MAGI2: variants seen among roughly 807,000 people sequenced by gnomAD.
MAGI2 encodes membrane-associated guanylate kinase, WW and PDZ domain-containing protein 2.
Under a neutral mutation model 133.3 loss-of-function variants are expected in MAGI2, and 35 were observed. That is an observed-to-expected ratio of 0.26 (90% CI 0.20 to 0.35). The LOEUF is 0.35. Ranked by LOEUF, MAGI2 falls within the 10% of genes least tolerant of loss-of-function variation. The pLI is 1.00. For synonymous variants in MAGI2, 729 were observed against 710.6 expected, an observed-to-expected ratio of 1.03 and a Z score of -0.41; for missense variants, 1,636 against 1,863.4, an observed-to-expected ratio of 0.88 and a Z score of 2.25.
chr7:79,427,682 AGTTGTGCTGCG>A (rs1228309444), intron 1 of MAGI2, among the ~76,000 whole-genome samples: 3 of 152,208 alleles, frequency 2.0e-5, no homozygotes, highest in Non-Finnish European at 4.4e-5. Flanking sequence ...ACACGTAGAA[AGTTGTGCTGCG>A]GTTTTATTAT....
intron 1 of MAGI2, among the ~76,000 whole-genome samples, chr7:79,326,594 G>A (rs56829360): frequency 6.6e-6 from 1 of 151,986 alleles, no homozygotes; most frequent in African/African-American, 2.4e-5. Flanking sequence ...GTGATAATAC[G>A]CCTTGGAAAC....
intron 6 of MAGI2, among the ~76,000 whole-genome samples, chr7:78,450,281 A>G (rs988288328): frequency 6.6e-6 from 1 of 151,830 alleles, no homozygotes; most frequent in Admixed American, 6.6e-5. Context: ...GGAATTCATT[A>G]AAATGCAAGA....
chr7:79,230,774 T>A (rs904006964), intron 1 of MAGI2, among the ~76,000 whole-genome samples: 84 of 152,156 alleles, frequency 5.5e-4, no homozygotes, highest in Admixed American at 2.6e-3. Flanking sequence ...TTTCTTTCGC[T>A]GTGCAGAAGC....
chr7:78,839,134 A>G (rs1387832741), intron 2 of MAGI2, among the ~76,000 whole-genome samples: 1 of 152,042 alleles, frequency 6.6e-6, no homozygotes, highest in African/African-American at 2.4e-5. Context: ...AGAGAAGCAT[A>G]AAAAGAAAGA....
chr7:79,092,890 T>C (rs1319265256), intron 1 of MAGI2, among the ~76,000 whole-genome samples: 1 of 152,162 alleles, frequency 6.6e-6, no homozygotes, highest in African/African-American at 2.4e-5. Context: ...CAGTCTCTTT[T>C]TGTAGTTTTC....
chr7:79,241,682 T>C (rs185413977), intron 1 of MAGI2, among the ~76,000 whole-genome samples: 3 of 152,306 alleles, frequency 2.0e-5, no homozygotes, highest in African/African-American at 7.2e-5. Flanking sequence ...GGGAGGTGCC[T>C]TTCATAGCAT....
At chr7:79,100,739 A>C (rs1484065277) in intron 1 of MAGI2, among the ~76,000 whole-genome samples, 2 of 151,770 alleles carry the variant, frequency 1.3e-5, no homozygotes, top group Non-Finnish European at 2.9e-5. Context: ...GTTCATGTTA[A>C]TTTAAGAATG....
At chr7:78,240,865 G>A (rs980182554) in intron 10 of MAGI2, among the ~76,000 whole-genome samples, 3 of 151,516 alleles carry the variant, frequency 2.0e-5, no homozygotes, top group African/African-American at 7.3e-5. Flanking sequence ...TATTAGCTAG[G>A]TATTCAAAAC....
intron 2 of MAGI2, among the ~76,000 whole-genome samples, chr7:78,971,684 A>C (rs572567881): frequency 6.6e-6 from 1 of 152,126 alleles, no homozygotes; most frequent in African/African-American, 2.4e-5. Flanking sequence ...CAGCTCAATG[A>C]TTAGAACGTG....
chr7:78,751,022 A>C (rs1823404705), intron 2 of MAGI2, among the ~76,000 whole-genome samples: 1 of 152,214 alleles, frequency 6.6e-6, no homozygotes, highest in African/African-American at 2.4e-5. Flanking sequence ...GAACACAGAC[A>C]AATCTAACCC....
At chr7:79,352,403 C>T (rs2069132) in intron 1 of MAGI2, among the ~76,000 whole-genome samples, 22,130 of 152,162 alleles carry the variant, frequency 0.15, 1,724 homozygotes, top group East Asian at 0.2. Flanking sequence ...TTCTAAAAGT[C>T]CTGGTTTTCT....
chr7:78,235,597 A>C (rs1790446207), intron 10 of MAGI2, among the ~76,000 whole-genome samples: 1 of 152,098 alleles, frequency 6.6e-6, no homozygotes, highest in Non-Finnish European at 1.5e-5. Context: ...CCATGTGAAG[A>C]AGGACATGTT....
At chr7:78,844,254 T>A (rs1792395123) in intron 2 of MAGI2, among the ~76,000 whole-genome samples, 1 of 151,676 alleles carries the variant, frequency 6.6e-6, no homozygotes, top group African/African-American at 2.4e-5. Context: ...TTTGATCTGC[T>A]TTTCACTTAA....
chr7:78,358,039 T>C (rs1792277932), intron 7 of MAGI2, among the ~76,000 whole-genome samples: 1 of 150,610 alleles, frequency 6.6e-6, no homozygotes, highest in Non-Finnish European at 1.5e-5. Flanking sequence ...TCAAATGTGT[T>C]CAGCTTTGAC....
intron 9 of MAGI2, among the ~76,000 whole-genome samples, chr7:78,299,914 C>T (rs1015402861): frequency 2.0e-5 from 3 of 152,126 alleles, no homozygotes; most frequent in African/African-American, 7.2e-5. Flanking sequence ...AGTATGGAAA[C>T]TGCATTTCAG....
intron 20 of MAGI2, among the ~76,000 whole-genome samples, chr7:78,114,131 A>G (rs893096410): frequency 6.6e-6 from 1 of 152,158 alleles, no homozygotes; most frequent in Non-Finnish European, 1.5e-5. Flanking sequence ...TCTTTTTACT[A>G]GCTCGTTATT....
chr7:78,019,335 C>A lies in MAGI2; in HGVS notation c.4348G>T (p.Ala1450Ser), dbSNP rs751049754. The change falls in exon 22 of 22, where the codon GCC (alanine) becomes TCC (serine). Residue 1450 changes from alanine to serine, a missense_variant. By Grantham distance (99) the Ala-to-Ser change is moderately conservative. This residue lies in a region of MAGI2 where 354 missense variants were observed against 298.7 expected (regional missense o/e 1.19). Transcript: ENST00000354212. ...DKLPSVLKPG[A>S]SAASR Reference sequence around the variant, plus strand: ...GCGGCTCATCTGCTGGCGGCCGAGGCGCCGGGTTTGAGGACGCTGGGCAGC... The same window carrying A: ...GCGGCTCATCTGCTGGCGGCCGAGGAGCCGGGTTTGAGGACGCTGGGCAGC... 1.7e-4 allele frequency: 267 copies of A among 1,541,236 alleles called. No individual in the cohort carries two copies. The highest frequency in any genetic ancestry group is 2.3e-4 in the Non-Finnish European group (266 of 1,153,582).
chr7:78,920,226 A>G (rs932426622), intron 2 of MAGI2, among the ~76,000 whole-genome samples: 5 of 152,162 alleles, frequency 3.3e-5, no homozygotes, highest in African/African-American at 1.2e-4. Flanking sequence ...GTGAATTCAC[A>G]TATAGACCAT....
At chr7:79,168,279 A>G (rs1214182782) in intron 1 of MAGI2, among the ~76,000 whole-genome samples, 1 of 151,958 alleles carries the variant, frequency 6.6e-6, no homozygotes, top group African/African-American at 2.4e-5. Context: ...GTCTCGGCAC[A>G]CCACCTAGAT....
Sources: gnomAD v4.1 joint callset for allele counts (sites outside exome capture counted in the v4.1 genomes callset) on GRCh38, gnomAD v4.1.1 for gene constraint, gnomAD v4.1.1 regional missense constraint, MANE v1.5 for transcripts, NCBI Gene and HGNC (gene_info 2026-07-23, HGNC 2026-07-21) for gene names.